Variants in TYR observed in about 807,000 individuals in gnomAD.
TYR encodes the protein LB24-AB.
A neutral mutation model predicts 51.5 loss-of-function variants in TYR; 58 were observed. That is an observed-to-expected ratio of 1.13 (90% CI 0.91 to 1.40). The LOEUF (loss-of-function observed/expected upper bound fraction) is 1.40, where lower values mean the gene tolerates loss of function less well. Ranked by LOEUF, TYR falls within the 40% of genes most tolerant of loss-of-function variation. TYR has a pLI of 0.00. For synonymous variants in TYR, 263 were observed against 235.2 expected, an observed-to-expected ratio of 1.12 and a Z score of -1.08; for missense variants, 732 against 647.4, an observed-to-expected ratio of 1.13 and a Z score of -1.42.
At chr11:89,291,302 A>G (rs1337099995) in intron 4 of TYR, among the ~76,000 whole-genome samples, 1 of 151,940 alleles carries the variant, frequency 6.6e-6, no homozygotes, top group East Asian at 1.9e-4. Flanking sequence ...AATAGAAACA[A>G]TAGGTTAATT....
intron 2 of TYR, among the ~76,000 whole-genome samples, chr11:89,204,348 G>A (rs68014250): frequency 0.17 from 25,396 of 151,940 alleles, 2,541 homozygotes; most frequent in African/African-American, 0.28. Flanking sequence ...TAATAATGCA[G>A]TGTTTCCCTT....
chr11:89,285,924 A>G (rs1359887529), intron 4 of TYR, among the ~76,000 whole-genome samples: 2 of 151,888 alleles, frequency 1.3e-5, no homozygotes, highest in African/African-American at 2.4e-5. Context: ...ATTCATTGAT[A>G]ATGACACATA....
chr11:89,200,168 C>G (rs940636439), intron 2 of TYR: 7 of 152,186 alleles, frequency 4.6e-5, no homozygotes, highest in African/African-American at 1.4e-4. Flanking sequence ...CTCTGCCTCC[C>G]GGGTTCAAAG....
chr11:89,253,026 T>C (rs1430205697), intron 3 of TYR, among the ~76,000 whole-genome samples: 1 of 151,752 alleles, frequency 6.6e-6, no homozygotes, highest in African/African-American at 2.4e-5. Context: ...TTACATGACT[T>C]TATTTCTTCT....
chr11:89,186,159 C>G (rs570442179), intron 1 of TYR, among the ~76,000 whole-genome samples: 2 of 152,220 alleles, frequency 1.3e-5, no homozygotes, highest in South Asian at 4.1e-4. Flanking sequence ...ACTTTAGCAG[C>G]AGGATCACAC....
intron 3 of TYR, among the ~76,000 whole-genome samples, chr11:89,270,138 C>A (rs915226780): frequency 5.3e-5 from 8 of 151,868 alleles, no homozygotes; most frequent in Admixed American, 3.3e-4. Flanking sequence ...CCACATATAC[C>A]TACAGATATC....
intron 3 of TYR, among the ~76,000 whole-genome samples, chr11:89,264,451 G>A (rs1944500220): frequency 6.6e-6 from 1 of 151,782 alleles, no homozygotes; most frequent in Admixed American, 6.6e-5. Flanking sequence ...ATGGGAGTTT[G>A]TTGTACACTG....
At chr11:89,266,331 C>T (rs1293481701) in intron 3 of TYR, among the ~76,000 whole-genome samples, 1 of 151,928 alleles carries the variant, frequency 6.6e-6, no homozygotes, top group Non-Finnish European at 1.5e-5. Context: ...TGGAAAGAAG[C>T]ATTTGAGTTC....
intron 2 of TYR, among the ~76,000 whole-genome samples, chr11:89,194,362 T>C (rs1040125738): frequency 5.3e-5 from 8 of 152,210 alleles, no homozygotes; most frequent in African/African-American, 1.4e-4. Flanking sequence ...TGAGATGGTG[T>C]CACATCTGGA....
chr11:89,253,568 T>C (rs1271448032), intron 3 of TYR, among the ~76,000 whole-genome samples: 3 of 151,778 alleles, frequency 2.0e-5, no homozygotes, highest in African/African-American at 4.8e-5. Context: ...GTAATTTATT[T>C]TATTTTATTT....
intron 3 of TYR, among the ~76,000 whole-genome samples, chr11:89,268,380 A>G (rs1386670047): frequency 6.6e-6 from 1 of 151,940 alleles, no homozygotes; most frequent in Non-Finnish European, 1.5e-5. Context: ...TTATTACTGA[A>G]GCAATCAGTC....
chr11:89,183,355 C>T (rs190564880), intron 1 of TYR, among the ~76,000 whole-genome samples: 118 of 152,136 alleles, frequency 7.8e-4, no homozygotes, highest in African/African-American at 2.8e-3. Context: ...TCAAATTCTA[C>T]CCCTGCCATT....
chr11:89,292,306 A>G (rs1266676005), intron 4 of TYR, among the ~76,000 whole-genome samples: 1 of 152,072 alleles, frequency 6.6e-6, no homozygotes, highest in East Asian at 1.9e-4. Flanking sequence ...ACCAGATTCT[A>G]GAATTATATC....
chr11:89,207,823 C>T (rs1943692116), intron 2 of TYR, among the ~76,000 whole-genome samples: 1 of 151,994 alleles, frequency 6.6e-6, no homozygotes, highest in Admixed American at 6.6e-5. Flanking sequence ...GTATCTTGAC[C>T]CTTTCAATAC....
At chr11:89,238,852 C>G (rs1177805069) in intron 3 of TYR, among the ~76,000 whole-genome samples, 1 of 152,046 alleles carries the variant, frequency 6.6e-6, no homozygotes, top group Non-Finnish European at 1.5e-5. Context: ...TTAAAATGAT[C>G]ATATGATCAT....
intron 2 of TYR, among the ~76,000 whole-genome samples, chr11:89,213,816 A>C (rs566316322): frequency 2.0e-5 from 3 of 152,276 alleles, no homozygotes; most frequent in South Asian, 4.1e-4. Flanking sequence ...ATCTTTCACA[A>C]ACCTGACAAA....
At chr11:89,224,605 G>C (rs1415477715) in intron 2 of TYR, among the ~76,000 whole-genome samples, 2 of 152,110 alleles carry the variant, frequency 1.3e-5, no homozygotes, top group Non-Finnish European at 2.9e-5. Flanking sequence ...GAATCTGATT[G>C]AGAAGACTCC....
intron 3 of TYR, among the ~76,000 whole-genome samples, chr11:89,272,989 A>G (rs1246725369): frequency 6.6e-6 from 1 of 151,864 alleles, no homozygotes; most frequent in Non-Finnish European, 1.5e-5. Context: ...AGCTGGTTTG[A>G]TCTTCTATCC....
chr11:89,237,420 G>A (rs1366184323), intron 3 of TYR, among the ~76,000 whole-genome samples: 2 of 152,076 alleles, frequency 1.3e-5, no homozygotes. Context: ...TTCTGAATGT[G>A]ACTATCCAGT....
Sources: gnomAD v4.1 joint callset for allele counts (sites outside exome capture counted in the v4.1 genomes callset) on GRCh38, gnomAD v4.1.1 for gene constraint, MANE v1.5 for transcripts, NCBI Gene and HGNC (gene_info 2026-07-23, HGNC 2026-07-21) for gene names.